The following GFPT1 variants were observed in gnomAD, a reference collection of about 807,000 sequenced individuals.
GFPT1 encodes glutamine--fructose-6-phosphate transaminase 1.
A neutral mutation model predicts 92.0 loss-of-function variants in GFPT1; 40 were observed. The ratio of observed to expected loss-of-function variants is 0.43; its 90% confidence interval spans 0.34 to 0.57. The LOEUF (loss-of-function observed/expected upper bound fraction) is 0.57, where lower values mean the gene tolerates loss of function less well. Ranked by LOEUF, GFPT1 falls within the 20% of genes least tolerant of loss-of-function variation. The pLI is 0.02. For synonymous variants in GFPT1, 269 were observed against 280.6 expected (o/e 0.96, Z 0.41); for missense variants, 448 against 869.1 (o/e 0.52, Z 6.09).
intron 12 of GFPT1, among the ~76,000 whole-genome samples, chr2:69,344,699 A>C (rs1671041854): frequency 6.6e-6 from 1 of 151,288 alleles, no homozygotes; most frequent in Non-Finnish European, 1.5e-5. Context: ...GCTGCAGTGC[A>C]GTGGTGGAGT....
rs777755473 is a variant in GFPT1, at chr2:69,328,259, C to T, written c.1893+12G>A. 1.2e-6 allele frequency: 2 copies of T among 1,608,748 alleles called. No individual in the cohort carries two copies. Among genetic ancestry groups the T allele is most frequent in the Non-Finnish European group, 1.7e-6 (2 of 1,175,218 alleles). On this transcript the variant is annotated intron_variant, in intron 18 of 19. Transcript: ENST00000357308. ...TTGATCCCCAAGGTGTTCTCACAGT[C>T]CCCCGACTTACCTGCCGAGCAACCA... is the stretch of plus-strand genomic sequence containing the variant.
chr2:69,357,291 C>T (rs1244752769), intron 6 of GFPT1, among the ~76,000 whole-genome samples: 2 of 152,188 alleles, frequency 1.3e-5, no homozygotes, highest in African/African-American at 4.8e-5. Flanking sequence ...TTAACTTCCA[C>T]TCTTTCTGAC....
intron 1 of GFPT1, among the ~76,000 whole-genome samples, chr2:69,382,523 T>C (rs967026621): frequency 6.6e-6 from 1 of 152,192 alleles, no homozygotes; most frequent in African/African-American, 2.4e-5. Context: ...AATAATTTCT[T>C]CATAACCATA....
intron 9 of GFPT1, among the ~76,000 whole-genome samples, chr2:69,353,646 A>T (rs1424129338): frequency 6.6e-6 from 1 of 151,330 alleles, no homozygotes; most frequent in Non-Finnish European, 1.5e-5. Context: ...GTGAGGTATG[A>T]CCATACCACT....
In GFPT1 at chr2:69,322,031, G is replaced by A. The variant is rs1405379083; in HGVS notation, c.*4158C>T. ...CTGAAGATATGTTTAAATTCATCAA[G>A]CTAGGAAGATATCAAAATATTAACA... On this transcript the variant is annotated 3_prime_UTR_variant, in exon 20 of 20. Coordinates refer to ENST00000357308, the MANE Select transcript of GFPT1 (RefSeq NM_001244710.2). The A allele has an allele frequency of 6.6e-6, 1 of 152,088 alleles. No homozygotes were observed. Among genetic ancestry groups the A allele is most frequent in the Non-Finnish European group, 1.5e-5 (1 of 67,994 alleles). 9.4% of individuals were successfully genotyped at this position (152,088 alleles called of 1,614,324 possible).
intron 9 of GFPT1, among the ~76,000 whole-genome samples, chr2:69,350,632 G>A (rs1010368087): frequency 6.6e-6 from 1 of 152,012 alleles, no homozygotes; most frequent in Non-Finnish European, 1.5e-5. Context: ...AATGAACACA[G>A]GGGCTCACGC....
rs1227749913 is a variant in GFPT1, at chr2:69,325,819, T to G, written c.*370A>C. 2 of 193,536 alleles carry G rather than the reference T, an allele frequency of 1.0e-5. No homozygotes were observed. Among genetic ancestry groups the G allele is most frequent in the African/African-American group, 4.7e-5 (2 of 42,214 alleles). 12.0% of individuals were successfully genotyped at this position (193,536 alleles called of 1,614,324 possible). On this transcript the variant is annotated 3_prime_UTR_variant, in exon 20 of 20. Transcript: ENST00000357308. The stretch of plus-strand genomic sequence containing the variant: ...GATACTCCAATTAAATGCACTACTC[T>G]TTCACTGGTCTGAATGAAGTATGGT...
chr2:69,354,845 C>G (rs118161305), intron 7 of GFPT1, among the ~76,000 whole-genome samples: 1 of 152,082 alleles, frequency 6.6e-6, no homozygotes, highest in African/African-American at 2.4e-5. Context: ...GGCAAAACCC[C>G]GTCTCCTAAT....
At position 69,387,121 on chromosome 2, in the gene GFPT1, C is replaced by T; in HGVS notation, c.-50G>A. On this transcript the variant is annotated 5_prime_UTR_variant, in exon 1 of 20. Coordinates refer to ENST00000357308, the MANE Select transcript of GFPT1 (RefSeq NM_001244710.2). ...GCCAGGGGCGAGTGGCTGGCGGGAT[C>T]GGGGGTGCACACACGAGCTTCGGTG... The T allele has an allele frequency of 2.0e-6, 3 of 1,519,314 alleles. No individual in the cohort carries two copies. Among genetic ancestry groups the T allele is most frequent in the Non-Finnish European group, 1.8e-6 (2 of 1,139,378 alleles). 94.1% of individuals were successfully genotyped at this position (1,519,314 alleles called of 1,614,324 possible). A position where few individuals can be genotyped will look rare whatever the true frequency, so the allele number is the denominator to read the frequency against.
chr2:69,352,721 A>T (rs1411562257), intron 9 of GFPT1, among the ~76,000 whole-genome samples: 1 of 152,104 alleles, frequency 6.6e-6, no homozygotes, highest in East Asian at 1.9e-4. Flanking sequence ...TCATTCTTCA[A>T]ATAACAAAGT....
chr2:69,373,076 T>A (rs890310521), intron 2 of GFPT1, among the ~76,000 whole-genome samples: 4 of 152,230 alleles, frequency 2.6e-5, no homozygotes, highest in African/African-American at 9.6e-5. Context: ...ACTGATCCAC[T>A]GGTGAGCAGC....
At chr2:69,338,331 C>T (rs1558738572) in intron 14 of GFPT1, 114 bp downstream of exon 14, 2 of 888,482 alleles carry the variant, frequency 2.3e-6, no homozygotes, top group African/African-American at 1.7e-5. Flanking sequence ...AATCTGTATT[C>T]GTCAAGTCAT....
chr2:69,379,354 C>T (rs1574090324), intron 1 of GFPT1, among the ~76,000 whole-genome samples: 1 of 152,004 alleles, frequency 6.6e-6, no homozygotes, highest in East Asian at 1.9e-4. Context: ...GGAGACCCTG[C>T]CTCTACCAAA....
chr2:69,387,195 G>A lies in GFPT1; in HGVS notation c.-124C>T, dbSNP rs929119490. 7.2e-6 allele frequency: 8 copies of A among 1,108,822 alleles called. No homozygotes were observed. The highest frequency in any genetic ancestry group is 3.1e-5 in the East Asian group (1 of 31,958). 68.7% of individuals were successfully genotyped at this position (1,108,822 alleles called of 1,614,324 possible). On this transcript the variant is annotated 5_prime_UTR_variant, in exon 1 of 20. Transcript: ENST00000357308. Reference sequence around the variant, plus strand: ...GGGGTGGCGCCGACACGACTCCCTCGGGGATGCGACGGCCAAGGCAACGAC... The same window carrying A: ...GGGGTGGCGCCGACACGACTCCCTCAGGGATGCGACGGCCAAGGCAACGAC...
intron 1 of GFPT1, among the ~76,000 whole-genome samples, chr2:69,384,804 A>G (rs1672095999): frequency 6.6e-6 from 1 of 152,000 alleles, no homozygotes; most frequent in African/African-American, 2.4e-5. Flanking sequence ...AAAAGAAAAG[A>G]AAGAAGGAAA....
At chr2:69,326,774 G>A (rs982480550) in intron 19 of GFPT1, 140 bp downstream of exon 19, 4 of 809,844 alleles carry the variant, frequency 4.9e-6, no homozygotes, top group Admixed American at 4.2e-5. Flanking sequence ...CCTACAAATT[G>A]GGCCATGAAA....
At chr2:69,379,980 A>C (rs1345601130) in intron 1 of GFPT1, among the ~76,000 whole-genome samples, 1 of 151,992 alleles carries the variant, frequency 6.6e-6, no homozygotes, top group East Asian at 2.0e-4. Context: ...CGGCCTCCCA[A>C]AGTGCTGGGA....
intron 3 of GFPT1, among the ~76,000 whole-genome samples, chr2:69,368,020 G>C (rs1257185989): frequency 2.0e-5 from 3 of 152,202 alleles, no homozygotes; most frequent in Non-Finnish European, 2.9e-5. Flanking sequence ...AGGTCAAAGA[G>C]GGTGGATCGC....
Position 69,367,534 on chromosome 2 carries a change from G to A in GFPT1, c.223+2467C>T, listed in dbSNP as rs1164656525. ...CGCCGCCACACCCGGCTAATTTTTTGTATTTTAGTAGAGATGGGGTTTCAC... is the reference window on the plus strand; with the variant it reads ...CGCCGCCACACCCGGCTAATTTTTTATATTTTAGTAGAGATGGGGTTTCAC... On this transcript the variant is annotated intron_variant, in intron 3 of 19. Transcript: ENST00000357308. 2.6e-5 allele frequency among the ~76,000 whole-genome samples: 4 copies of A among 152,074 alleles called. No individual in the cohort carries two copies. The East Asian group carries it at 7.7e-4, about 29-fold the overall frequency.
Sources: allele counts gnomAD v4.1 joint callset (sites outside exome capture counted in the v4.1 genomes callset), GRCh38; gene constraint gnomAD v4.1.1; transcripts MANE v1.5; gene names NCBI Gene and HGNC (gene_info 2026-07-23, HGNC 2026-07-21).